The following MACROD2 variants were observed in gnomAD, a reference collection of about 807,000 sequenced individuals.
MACROD2 encodes ADP-ribose glycohydrolase MACROD2.
A neutral mutation model predicts 70.4 loss-of-function variants in MACROD2; 36 were observed. The ratio of observed to expected loss-of-function variants is 0.51; its 90% CI spans 0.39 to 0.68. The LOEUF (loss-of-function observed/expected upper bound fraction) is 0.68, where lower values mean the gene tolerates loss of function less well. Ranked by LOEUF, MACROD2 falls within the 30% of genes least tolerant of loss-of-function variation. The probability of loss-of-function intolerance (pLI) is 0.00; values close to 1 mark genes in which losing one functional copy is unlikely to be tolerated. For missense variants in MACROD2, 496 were observed against 538.4 expected (o/e 0.92, Z 0.78); for synonymous variants, 172 against 178.8 (o/e 0.96, Z 0.30).
chr20:14,064,767 GT>G (rs1238625078), intron 2 of MACROD2, among the ~76,000 whole-genome samples: 1 of 152,192 alleles, frequency 6.6e-6, no homozygotes, highest in Non-Finnish European at 1.5e-5. Flanking sequence ...GGCAGCAGCT[GT>G]AGTTTTAAAT....
At chr20:15,469,668 T>C (rs1384276458) in intron 7 of MACROD2, among the ~76,000 whole-genome samples, 3 of 152,088 alleles carry the variant, frequency 2.0e-5, no homozygotes, top group Admixed American at 2.0e-4. Flanking sequence ...CCAGTGGGAA[T>C]GTAAGGAGCC....
chr20:15,019,853 GA>G (rs1314683628), intron 5 of MACROD2, among the ~76,000 whole-genome samples: 2 of 152,072 alleles, frequency 1.3e-5, no homozygotes, highest in Non-Finnish European at 2.9e-5. Flanking sequence ...TACTGATATA[GA>G]AAGAGAGAAA....
At chr20:14,492,780 A>G (rs385723) in intron 3 of MACROD2, among the ~76,000 whole-genome samples, 27,601 of 151,978 alleles carry the variant, frequency 0.18, 2,788 homozygotes, top group South Asian at 0.36. Context: ...TATTTGGATA[A>G]ATTTAGGCAT....
chr20:15,055,857 G>C (rs1224469980), intron 5 of MACROD2, among the ~76,000 whole-genome samples: 1 of 149,598 alleles, frequency 6.7e-6, no homozygotes, highest in African/African-American at 2.5e-5. Context: ...GTGCAGTGGC[G>C]CCATCTCGGC....
intron 6 of MACROD2, among the ~76,000 whole-genome samples, chr20:15,377,326 CTG>C (rs1389237190): frequency 1.3e-5 from 2 of 151,820 alleles, no homozygotes; most frequent in Admixed American, 6.6e-5. Flanking sequence ...AAAAGGAAGA[CTG>C]TGATAAAAAG....
At position 14,676,714 on chromosome 20, in the gene MACROD2, A is replaced by T. The variant is rs146126116; in HGVS notation, c.302-8129A>T. On this transcript the variant is annotated intron_variant, in intron 4 of 17. Coordinates refer to ENST00000684519, the MANE Select transcript of MACROD2 (RefSeq NM_001351661.2). ...TAGCAGAAGACAAGAATTAACTAAC[A>T]TCAGAGCAGAACTGAAGGAGATAGA... Among the ~76,000 whole-genome samples the T allele has an allele frequency of 1.4e-3, 212 of 152,310 alleles. 2 individuals carry two copies. Among genetic ancestry groups the T allele is most frequent in the Middle Eastern group, 0.01 (3 of 294 alleles).
At chr20:15,194,462 G>A (rs2076592472) in intron 5 of MACROD2, among the ~76,000 whole-genome samples, 1 of 151,814 alleles carries the variant, frequency 6.6e-6, no homozygotes, top group African/African-American at 2.4e-5. Flanking sequence ...AAAACTTCTA[G>A]ACTTACAGAA....
intron 15 of MACROD2, among the ~76,000 whole-genome samples, chr20:16,022,234 G>A (rs1159384508): frequency 6.6e-6 from 1 of 152,032 alleles, no homozygotes; most frequent in African/African-American, 2.4e-5. Flanking sequence ...GTAGTTTTTA[G>A]TAGAGACGGG....
At chr20:14,368,882 T>C (rs761146564) in intron 3 of MACROD2, among the ~76,000 whole-genome samples, 2 of 152,196 alleles carry the variant, frequency 1.3e-5, no homozygotes, top group Non-Finnish European at 2.9e-5. Context: ...ACAGATTGGA[T>C]CTTTGCTGAC....
At chr20:14,687,197 A>G (rs2071012764) in intron 5 of MACROD2, among the ~76,000 whole-genome samples, 2 of 152,200 alleles carry the variant, frequency 1.3e-5, no homozygotes, top group South Asian at 2.1e-4. Context: ...AAACCAAGTA[A>G]TATTCCCAGT....
At chr20:14,193,850 C>G (rs754141032) in intron 3 of MACROD2, among the ~76,000 whole-genome samples, 2 of 152,086 alleles carry the variant, frequency 1.3e-5, no homozygotes, top group Non-Finnish European at 2.9e-5. Context: ...GAATATGGAT[C>G]TTAGTTGAGG....
At chr20:14,476,459 G>A (rs60216262) in intron 3 of MACROD2, among the ~76,000 whole-genome samples, 2,764 of 152,216 alleles carry the variant, frequency 0.018, 74 homozygotes, top group African/African-American at 0.062. Context: ...AGGCTCAAGC[G>A]ATTCTCATGC....
At chr20:14,274,155 A>T (rs1275085598) in intron 3 of MACROD2, among the ~76,000 whole-genome samples, 2 of 152,222 alleles carry the variant, frequency 1.3e-5, no homozygotes, top group Non-Finnish European at 2.9e-5. Context: ...TGAGGCCAGC[A>T]TCATCCTGAT....
chr20:15,888,779 C>A (rs1240722959), intron 10 of MACROD2, among the ~76,000 whole-genome samples: 2 of 152,062 alleles, frequency 1.3e-5, no homozygotes, highest in African/African-American at 2.4e-5. Flanking sequence ...ATTTCCTATA[C>A]CTGAGTGCTG....
At chr20:15,531,613 T>C (rs1467304487) in intron 8 of MACROD2, among the ~76,000 whole-genome samples, 1 of 152,182 alleles carries the variant, frequency 6.6e-6, no homozygotes, top group Non-Finnish European at 1.5e-5. Context: ...CATTGTTATA[T>C]TTTTGAAGAA....
chr20:15,649,862 C>T (rs370523657), intron 8 of MACROD2, among the ~76,000 whole-genome samples: 2 of 152,106 alleles, frequency 1.3e-5, no homozygotes, highest in East Asian at 1.9e-4. Context: ...AAAGATGTCA[C>T]ATATACAAAA....
intron 5 of MACROD2, among the ~76,000 whole-genome samples, chr20:15,034,785 T>G: frequency 6.6e-6 from 1 of 152,202 alleles, no homozygotes; most frequent in East Asian, 1.9e-4. Context: ...TAATATACTT[T>G]GATGCTAACA....
At chr20:15,218,836 G>C (rs2076832902) in intron 5 of MACROD2, among the ~76,000 whole-genome samples, 1 of 151,574 alleles carries the variant, frequency 6.6e-6, no homozygotes, top group Non-Finnish European at 1.5e-5. Flanking sequence ...ATGAGGTCAG[G>C]AGATCAACAC....
intron 5 of MACROD2, among the ~76,000 whole-genome samples, chr20:15,043,228 T>C (rs2075368466): frequency 6.6e-6 from 1 of 152,242 alleles, no homozygotes; most frequent in Non-Finnish European, 1.5e-5. Context: ...CACAAAGTTT[T>C]AAGAATCTGG....
Sources: gnomAD v4.1 joint callset for allele counts (sites outside exome capture counted in the v4.1 genomes callset) on GRCh38, gnomAD v4.1.1 for gene constraint, MANE v1.5 for transcripts, NCBI Gene and HGNC (gene_info 2026-07-23, HGNC 2026-07-21) for gene names.